The following AGBL3 variants were observed in gnomAD, a reference collection of about 807,000 sequenced individuals.
AGBL3 encodes the protein AGBL carboxypeptidase 3, also known as cytosolic carboxypeptidase 3.
Under a neutral mutation model 94.5 loss-of-function variants are expected in AGBL3, and 68 were observed. The observed-to-expected ratio is 0.72, with a 90% CI of 0.59 to 0.88. The LOEUF (loss-of-function observed/expected upper bound fraction) is 0.88. AGBL3 is among the 40% of genes least tolerant of loss of function. The pLI, the probability that AGBL3 is intolerant of heterozygous loss-of-function variation, is 0.00. For missense variants in AGBL3, 934 were observed against 1,103.8 expected (o/e 0.85, Z 2.18); for synonymous variants, 354 against 370.7 (o/e 0.95, Z 0.52).
intron 12 of AGBL3, among the ~76,000 whole-genome samples, chr7:135,075,580 A>G (rs1820369683): frequency 6.6e-6 from 1 of 152,212 alleles, no homozygotes; most frequent in South Asian, 2.1e-4. Flanking sequence ...TCCCTGAGAT[A>G]AAAACCCAGG....
chr7:135,132,041 C>T (rs1458137619), intron 16 of AGBL3, among the ~76,000 whole-genome samples: 1 of 151,940 alleles, frequency 6.6e-6, no homozygotes, highest in African/African-American at 2.4e-5. Flanking sequence ...AATTTTAAAA[C>T]CCTAAAAAAG....
At chr7:135,011,240 C>T (rs1324694764) in intron 4 of AGBL3, 2 of 152,050 alleles carry the variant, frequency 1.3e-5, no homozygotes, top group East Asian at 1.9e-4. Context: ...AGTGAAATCT[C>T]ACCCCAACCT....
At chr7:135,020,419 G>A (rs1300068196) in intron 5 of AGBL3, among the ~76,000 whole-genome samples, 2 of 152,244 alleles carry the variant, frequency 1.3e-5, no homozygotes, top group Non-Finnish European at 2.9e-5. Flanking sequence ...AAGGGTGCTG[G>A]AGAGGATGTG....
At chr7:135,045,348 AG>A in intron 9 of AGBL3, 125 bp from the exon 10 acceptor site, 1 of 764,254 alleles carries the variant, frequency 1.3e-6, no homozygotes, top group Non-Finnish European at 2.1e-6. Flanking sequence ...CCTGTCCTGA[AG>A]AAAAAAATCT....
chr7:135,080,868 G>GTGTATA (rs1554512741), intron 14 of AGBL3, among the ~76,000 whole-genome samples: 5 of 146,244 alleles, frequency 3.4e-5, no homozygotes, highest in Admixed American at 1.4e-4. Flanking sequence ...ATGTGTGTGT[G>GTGTATA]TATATATATA....
intron 16 of AGBL3, chr7:135,128,823 A>C: frequency 8.7e-7 from 1 of 1,147,044 alleles, no homozygotes; most frequent in Non-Finnish European, 1.3e-6. Context: ...TGGATGAGAC[A>C]GCTGTGTGCA....
chr7:135,075,067 C>T (rs1820323678), intron 12 of AGBL3, among the ~76,000 whole-genome samples: 1 of 151,928 alleles, frequency 6.6e-6, no homozygotes, highest in African/African-American at 2.4e-5. Flanking sequence ...TGCCAGGGAC[C>T]CTGTTTTCTG....
At position 135,014,546 on chromosome 7, in the gene AGBL3, T is replaced by C. The variant is rs1256142958; in HGVS notation, c.311-2506T>C. Among the ~76,000 whole-genome samples, 4 of 152,208 alleles carry C rather than the reference T, an allele frequency of 2.6e-5. No individual in the cohort carries two copies. In the East Asian group the frequency reaches 7.7e-4, roughly 29 times the overall value. On this transcript the variant is annotated intron_variant, in intron 4 of 16. Coordinates refer to ENST00000436302, the MANE Select transcript of AGBL3 (RefSeq NM_178563.4). Reference sequence around the variant, plus strand: ...GAAAAAAGATACACAAAATGGAATATCCTTACCAACTACTTAGGCTTTTAC... The same window carrying C: ...GAAAAAAGATACACAAAATGGAATACCCTTACCAACTACTTAGGCTTTTAC...
Position 135,097,189 on chromosome 7 carries a change from C to T in AGBL3, c.2110+15399C>T, listed in dbSNP as rs188350587. On this transcript the variant is annotated intron_variant, in intron 15 of 16. Transcript: ENST00000436302. The stretch of plus-strand genomic sequence containing the variant: ...ATTACATTTCCTGGTTCAAAGGTTA[C>T]GACTAAAATATCCCGTCGGTCAACA... Among the ~76,000 whole-genome samples, 108 of 152,174 alleles carry T rather than the reference C, an allele frequency of 7.1e-4. 1 individual carries two copies. The highest frequency in any genetic ancestry group is 7.0e-3 in the South Asian group (34 of 4,826).
At chr7:135,016,434 A>AT (rs1813813498) in intron 4 of AGBL3, among the ~76,000 whole-genome samples, 1 of 152,018 alleles carries the variant, frequency 6.6e-6, no homozygotes, top group African/African-American at 2.4e-5. Context: ...TTCTTCGTTC[A>AT]TTAAAAAAAA....
At chr7:135,094,304 G>A (rs746436780) in intron 15 of AGBL3, 1 of 449,568 alleles carries the variant, frequency 2.2e-6, no homozygotes, top group Non-Finnish European at 4.5e-6. Flanking sequence ...GAGAACTGAG[G>A]CTGACAAGTA....
Position 135,034,290 on chromosome 7 carries a change from T to C in AGBL3, c.699T>C (p.Ser233=). 6.4e-7 allele frequency: 1 copy of C among 1,551,762 alleles called. No individual in the cohort carries two copies. Among genetic ancestry groups the C allele is most frequent in the South Asian group, 1.2e-5 (1 of 84,064 alleles). ...TTGTCAACTTCACCAAACCTGCTAGTCTTTACAGTCGGGGTATGCGCCCAC... is the reference window on the plus strand; with the variant it reads ...TTGTCAACTTCACCAAACCTGCTAGCCTTTACAGTCGGGGTATGCGCCCAC... ...FTIVNFTKPA[S]LYSRGMRPLF... is the part of the protein sequence containing the mutation. Residue 233 remains serine, a synonymous_variant, in exon 7 of 17, where the codon AGT becomes AGC. Coordinates refer to ENST00000436302, the MANE Select transcript of AGBL3 (RefSeq NM_178563.4).
chr7:135,089,162 T>C (rs1821574464), intron 15 of AGBL3, among the ~76,000 whole-genome samples: 1 of 152,190 alleles, frequency 6.6e-6, no homozygotes, highest in African/African-American at 2.4e-5. Context: ...AAGCTCTTTA[T>C]TGTAATTTTT....
intron 9 of AGBL3, 48 bp downstream of exon 9, chr7:135,044,199 C>T: frequency 6.6e-7 from 1 of 1,506,006 alleles, no homozygotes. Flanking sequence ...TTAAACCAAA[C>T]ATGTATAATT....
intron 5 of AGBL3, among the ~76,000 whole-genome samples, chr7:135,030,659 A>G (rs934622531): frequency 6.6e-6 from 1 of 151,930 alleles, no homozygotes; most frequent in Non-Finnish European, 1.5e-5. Flanking sequence ...ATTTCTTCAC[A>G]TATTTTTTTC....
chr7:135,042,003 A>C lies in AGBL3; in HGVS notation c.1501-2022A>C, dbSNP rs1484430074. On this transcript the variant is annotated intron_variant, in intron 8 of 16. Transcript: ENST00000436302. ...AATTATATACCTTTAGAATTGCTAA[A>C]ATAAAAATACTGACAATCCCAAGTT... 4.1e-4 allele frequency among the ~76,000 whole-genome samples: 63 copies of C among 152,184 alleles called. 1 individual carries two copies. Among genetic ancestry groups the C allele is most frequent in the Admixed American group, 4.1e-3 (63 of 15,278 alleles).
intron 5 of AGBL3, among the ~76,000 whole-genome samples, chr7:135,022,790 G>A (rs529664968): frequency 6.6e-6 from 1 of 151,318 alleles, no homozygotes; most frequent in African/African-American, 2.4e-5. Context: ...TTTTATGGTT[G>A]GATTTGCTTT....
At chr7:134,991,662 TG>T (rs1457173805) in intron 3 of AGBL3, among the ~76,000 whole-genome samples, 1 of 152,148 alleles carries the variant, frequency 6.6e-6, no homozygotes, top group Non-Finnish European at 1.5e-5. Context: ...TTCCAAGCAC[TG>T]GGTCTGGCAC....
chr7:135,078,359 GCT>G (rs1176811635), intron 13 of AGBL3, among the ~76,000 whole-genome samples: 1 of 152,082 alleles, frequency 6.6e-6, no homozygotes, highest in Non-Finnish European at 1.5e-5. Flanking sequence ...CTTTTCCTCT[GCT>G]CTCTCTTCTA....
Sources: allele counts gnomAD v4.1 joint callset (sites outside exome capture counted in the v4.1 genomes callset), GRCh38; gene constraint gnomAD v4.1.1; transcripts MANE v1.5; gene names NCBI Gene and HGNC (gene_info 2026-07-23, HGNC 2026-07-21).